The following IL13RA1 variants were observed in gnomAD, a reference collection of about 807,000 sequenced individuals.
IL13RA1 encodes interleukin 13 receptor subunit alpha 1.
IL13RA1 carries 14 observed loss-of-function variants against 33.8 expected under a neutral mutation model. The observed-to-expected ratio is 0.41, with a 90% CI of 0.27 to 0.65. The LOEUF (loss-of-function observed/expected upper bound fraction) is 0.65. Ranked by LOEUF, IL13RA1 falls within the 30% of genes least tolerant of loss-of-function variation. The pLI, the probability that IL13RA1 is intolerant of heterozygous loss-of-function variation, is 0.28. For missense variants in IL13RA1, 313 were observed against 327.0 expected (o/e 0.96, Z 0.33); for synonymous variants, 116 against 115.7 (o/e 1.00, Z -0.02).
chrX:118,800,098 G>GT, the IL13RA1 span, among the ~76,000 whole-genome samples: 1 of 111,326 alleles, frequency 9.0e-6, no homozygotes, highest in Middle Eastern at 4.6e-3. Context: ...TCCAAAGTCT[G>GT]TATCTAACTA....
intron 2 of IL13RA1, among the ~76,000 whole-genome samples, chrX:118,743,466 A>G (rs2017368330): frequency 9.0e-6 from 1 of 111,270 alleles, no homozygotes; most frequent in East Asian, 2.8e-4. Context: ...GCCCTCCACC[A>G]TTTTTTAGGC....
chrX:118,773,493 A>AAAAC (rs1036329473), intron 8 of IL13RA1, among the ~76,000 whole-genome samples: 6 of 111,932 alleles, frequency 5.4e-5, no homozygotes, highest in South Asian at 3.7e-4. Context: ...ACTCTGTCTC[A>AAAAC]AAACAAACAA....
chrX:118,788,900 C>T (rs1438974825), intron 10 of IL13RA1, among the ~76,000 whole-genome samples: 1 of 111,528 alleles, frequency 9.0e-6, no homozygotes, highest in Non-Finnish European at 1.9e-5. Flanking sequence ...ATCTAAAATC[C>T]GAAATGCTCC....
At chrX:118,750,051 GTAAC>G (rs1342511127) in intron 4 of IL13RA1, among the ~76,000 whole-genome samples, 2 of 111,700 alleles carry the variant, frequency 1.8e-5, no homozygotes, top group Non-Finnish European at 3.8e-5. Flanking sequence ...AACATCTTGT[GTAAC>G]TATAGTGCAT....
intron 10 of IL13RA1, among the ~76,000 whole-genome samples, chrX:118,784,089 A>AT (rs1261140771): frequency 0.028 from 1,693 of 60,865 alleles, 79 homozygotes; most frequent in African/African-American, 0.052. Flanking sequence ...AAAAAAAAAA[A>AT]AATATATATA....
chrX:118,735,171 CTCATTT>C (rs911951072), intron 1 of IL13RA1, among the ~76,000 whole-genome samples: 1 of 109,905 alleles, frequency 9.1e-6, no homozygotes, highest in African/African-American at 3.3e-5. Context: ...GAGTAAAGTT[CTCATTT>C]TCATTTTTGA....
chrX:118,757,359 G>A (rs373437310), intron 4 of IL13RA1, among the ~76,000 whole-genome samples: 8 of 109,002 alleles, frequency 7.3e-5, no homozygotes, highest in Admixed American at 3.9e-4. Flanking sequence ...TGCTGAACCC[G>A]TCTCCACTAA....
Position 118,758,106 on chromosome X carries a change from C to T in IL13RA1, c.540C>T (p.Gly180=). 8.5e-7 allele frequency: 1 copy of T among 1,171,064 alleles called. No homozygotes were observed. Among genetic ancestry groups the T allele is most frequent in the Non-Finnish European group, 1.2e-6 (1 of 862,114 alleles). The change falls in exon 5 of 11, where the codon GGC becomes GGT. Residue 180 remains glycine (G), a synonymous_variant. Coordinates refer to ENST00000371666, the MANE Select transcript of IL13RA1 (RefSeq NM_001560.3). ...AATGTGAAAACATCTTTAGAGAAGG[C>T]CAATACTTTGGTTGTTCCTTTGATC... is the stretch of plus-strand genomic sequence containing the variant. ...IHQCENIFRE[G]QYFGCSFDLT...
intron 2 of IL13RA1, among the ~76,000 whole-genome samples, chrX:118,745,590 G>C (rs2017395017): frequency 1.8e-5 from 2 of 111,861 alleles, no homozygotes; most frequent in Non-Finnish European, 3.8e-5. Context: ...CCTGGTTTTG[G>C]GGGTATCTCA....
chrX:118,797,709 G>A (rs373099751), downstream of IL13RA1, among the ~76,000 whole-genome samples: 11 of 112,373 alleles, frequency 9.8e-5, no homozygotes, highest in African/African-American at 3.6e-4. Context: ...TAGAAGCCGA[G>A]AAATTGGCTG....
chrX:118,776,784 C>T (rs192825048), intron 10 of IL13RA1, among the ~76,000 whole-genome samples: 4 of 106,679 alleles, frequency 3.7e-5, no homozygotes, highest in Non-Finnish European at 5.8e-5. Flanking sequence ...TATTTTTTTG[C>T]GAGATCTCAT....
intron 8 of IL13RA1, chrX:118,770,273 A>G (rs1295368799): frequency 9.0e-6 from 3 of 334,516 alleles, no homozygotes; most frequent in African/African-American, 7.8e-5. Context: ...CAATGTCATC[A>G]CCAACAGCCT....
At chrX:118,799,877 A>G in the IL13RA1 span, among the ~76,000 whole-genome samples, 1 of 74,879 alleles carries the variant, frequency 1.3e-5, no homozygotes, top group African/African-American at 5.3e-5. Flanking sequence ...GAGTGCACCA[A>G]TCGACACTCT....
At chrX:118,801,098 T>C in the IL13RA1 span, among the ~76,000 whole-genome samples, 18 of 112,697 alleles carry the variant, frequency 1.6e-4, no homozygotes, top group African/African-American at 5.2e-4. Flanking sequence ...CCAAGATGAT[T>C]TTTGTAAAAT....
At chrX:118,752,736 A>G (rs1347861062) in intron 4 of IL13RA1, among the ~76,000 whole-genome samples, 1 of 112,346 alleles carries the variant, frequency 8.9e-6, no homozygotes, top group African/African-American at 3.2e-5. Context: ...AATGTTTGGT[A>G]GGATCCAAAG....
At chrX:118,776,989 G>A (rs866071389) in intron 10 of IL13RA1, among the ~76,000 whole-genome samples, 4 of 12,740 alleles carry the variant, frequency 3.1e-4, no homozygotes, top group African/African-American at 1.1e-3. Context: ...GTGTGTATAT[G>A]TGTGTGTGTA....
At chrX:118,745,779 T>G (rs775980014) in intron 2 of IL13RA1, among the ~76,000 whole-genome samples, 186 of 111,873 alleles carry the variant, frequency 1.7e-3, no homozygotes, top group African/African-American at 5.8e-3. Flanking sequence ...GTGCTCTCCT[T>G]GGAGCTCTGA....
At chrX:118,791,526 A>G (rs888526646) in intron 10 of IL13RA1, among the ~76,000 whole-genome samples, 9 of 110,059 alleles carry the variant, frequency 8.2e-5, no homozygotes, top group African/African-American at 2.6e-4. Flanking sequence ...GTCATTGTAC[A>G]TCATGTAACT....
chrX:118,798,245 A>T (rs919430264), downstream of IL13RA1, among the ~76,000 whole-genome samples: 20 of 111,669 alleles, frequency 1.8e-4, no homozygotes, highest in African/African-American at 6.2e-4. Flanking sequence ...ATACTTATAT[A>T]AATATTGCTT....
Sources: allele counts gnomAD v4.1 joint callset (sites outside exome capture counted in the v4.1 genomes callset), GRCh38; gene constraint gnomAD v4.1.1; transcripts MANE v1.5; gene names NCBI Gene and HGNC (gene_info 2026-07-23, HGNC 2026-07-21).